Variants in GABRA3 observed in about 807,000 individuals in gnomAD.
GABRA3 encodes the protein gamma-aminobutyric acid receptor subunit alpha-3.
Under a neutral mutation model 30.1 loss-of-function variants are expected in GABRA3, and 10 were observed. That is an observed-to-expected ratio of 0.33 (90% CI 0.20 to 0.56). GABRA3 has a LOEUF of 0.56. GABRA3 is among the 20% of genes least tolerant of loss of function. GABRA3 has a pLI of 0.89. For synonymous variants in GABRA3, 151 were observed against 146.8 expected, an observed-to-expected ratio of 1.03 and a Z score of -0.21; for missense variants, 233 against 392.0, an observed-to-expected ratio of 0.59 and a Z score of 3.42.
At chrX:152,272,977 A>G (rs988548453) in intron 4 of GABRA3, among the ~76,000 whole-genome samples, 4 of 111,764 alleles carry the variant, frequency 3.6e-5, no homozygotes, top group Non-Finnish European at 7.5e-5. Context: ...TTGCTTTATA[A>G]GTTACCCAAT....
chrX:152,330,066 T>G lies in GABRA3; in HGVS notation c.262+15515A>C, dbSNP rs763675730. Among the ~76,000 whole-genome samples the G allele has an allele frequency of 7.7e-3, 859 of 111,527 alleles. 17 individuals carry two copies. The highest frequency in any genetic ancestry group is 0.027 in the African/African-American group (814 of 30,534). On this transcript the variant is annotated intron_variant, in intron 3 of 9. Coordinates refer to ENST00000370314, the MANE Select transcript of GABRA3 (RefSeq NM_000808.4). ...TATGAACATACACTTCTCAAAAGAA[T>G]ACATTAATACAACCAACAGACACAT...
intron 5 of GABRA3, among the ~76,000 whole-genome samples, chrX:152,254,904 A>C (rs957798276): frequency 8.9e-6 from 1 of 112,158 alleles, no homozygotes; most frequent in Non-Finnish European, 1.9e-5. Flanking sequence ...AAATTCATAA[A>C]AAAGCAAACC....
intron 4 of GABRA3, among the ~76,000 whole-genome samples, chrX:152,276,129 A>T (rs967476174): frequency 8.1e-5 from 9 of 111,133 alleles, no homozygotes; most frequent in Non-Finnish European, 1.3e-4. Flanking sequence ...ACACACACAC[A>T]GCCCACAGGA....
chrX:152,216,972 A>T (rs1028083335), intron 6 of GABRA3, among the ~76,000 whole-genome samples: 4 of 111,138 alleles, frequency 3.6e-5, no homozygotes, highest in Non-Finnish European at 7.6e-5. Context: ...AATAATTTTT[A>T]AAAAATTTAG....
intron 1 of GABRA3, among the ~76,000 whole-genome samples, chrX:152,396,538 G>A (rs375822807): frequency 2.1e-4 from 24 of 112,036 alleles, no homozygotes; most frequent in African/African-American, 7.8e-4. Context: ...TTATCAGGAA[G>A]TCATGATGTA....
intron 3 of GABRA3, among the ~76,000 whole-genome samples, chrX:152,315,435 C>G (rs1939859443): frequency 9.0e-6 from 1 of 111,251 alleles, no homozygotes; most frequent in Non-Finnish European, 1.9e-5. Context: ...GGGAAAATAC[C>G]ACAGGGAGAA....
chrX:152,423,423 T>C (rs1930427621), intron 1 of GABRA3, among the ~76,000 whole-genome samples: 1 of 112,180 alleles, frequency 8.9e-6, no homozygotes, highest in African/African-American at 3.2e-5. Flanking sequence ...AGGAATTTAG[T>C]GTAGGATGAA....
At chrX:152,259,159 C>G (rs948041204) in intron 4 of GABRA3, among the ~76,000 whole-genome samples, 7 of 111,606 alleles carry the variant, frequency 6.3e-5, no homozygotes, top group Non-Finnish European at 1.3e-4. Flanking sequence ...TGATGCCTGC[C>G]GATGGAGGGA....
rs773112118 is a variant in GABRA3 at position 152,328,267 on chromosome X, G to A, written c.262+17314C>T. ...GGATTTACAGCCAAATTCTAGCAGA[G>A]GTACAATGAGGAGCTGGTACCATTC... On this transcript the variant is annotated intron_variant, in intron 3 of 9. Coordinates refer to ENST00000370314, the MANE Select transcript of GABRA3 (RefSeq NM_000808.4). 9.9e-5 allele frequency among the ~76,000 whole-genome samples: 11 copies of A among 111,579 alleles called. No individual in the cohort carries two copies. The Admixed American group carries it at 1.0e-3, about 11-fold the overall frequency.
chrX:152,368,663 G>C (rs1407650644), intron 1 of GABRA3, among the ~76,000 whole-genome samples: 2 of 107,054 alleles, frequency 1.9e-5, no homozygotes, highest in African/African-American at 6.8e-5. Context: ...CCAGTAGTGA[G>C]ATTGCTGAAT....
At chrX:152,305,213 C>T (rs1401665317) in intron 3 of GABRA3, among the ~76,000 whole-genome samples, 1 of 110,335 alleles carries the variant, frequency 9.1e-6, no homozygotes, top group Non-Finnish European at 1.9e-5. Flanking sequence ...AGGAGCTAAA[C>T]GATGGGTAGA....
At chrX:152,419,543 C>G (rs976523873) in intron 1 of GABRA3, among the ~76,000 whole-genome samples, 3 of 110,750 alleles carry the variant, frequency 2.7e-5, no homozygotes, top group Non-Finnish European at 5.7e-5. Flanking sequence ...GAAAACATAA[C>G]TTAAAACTGA....
intron 1 of GABRA3, among the ~76,000 whole-genome samples, chrX:152,436,491 C>G (rs1415913564): frequency 4.5e-5 from 5 of 111,370 alleles, no homozygotes; most frequent in Non-Finnish European, 9.4e-5. Context: ...TTGGGAACCA[C>G]TGAATTATAA....
At chrX:152,238,780 T>C (rs1295120951) in intron 5 of GABRA3, among the ~76,000 whole-genome samples, 2 of 108,262 alleles carry the variant, frequency 1.8e-5, no homozygotes, top group Non-Finnish European at 3.9e-5. Context: ...TTTATTTGCA[T>C]AGAGGTGTTT....
At chrX:152,338,726 T>C (rs1940270201) in intron 3 of GABRA3, among the ~76,000 whole-genome samples, 1 of 112,190 alleles carries the variant, frequency 8.9e-6, no homozygotes, top group African/African-American at 3.2e-5. Context: ...GAGATAGGGG[T>C]TGAGTTTCAT....
intron 3 of GABRA3, among the ~76,000 whole-genome samples, chrX:152,326,670 C>T (rs1172111390): frequency 9.0e-6 from 1 of 111,264 alleles, no homozygotes; most frequent in Non-Finnish European, 1.9e-5. Flanking sequence ...ATTTTGTCAC[C>T]ACCAGGCCTG....
chrX:152,270,936 G>A (rs1938922572), intron 4 of GABRA3, among the ~76,000 whole-genome samples: 1 of 107,856 alleles, frequency 9.3e-6, no homozygotes, highest in Non-Finnish European at 1.9e-5. Flanking sequence ...AGGAACATGT[G>A]GGAATGTTTG....
intron 3 of GABRA3, among the ~76,000 whole-genome samples, chrX:152,300,645 C>T (rs1939614569): frequency 9.0e-6 from 1 of 111,440 alleles, no homozygotes; most frequent in Non-Finnish European, 1.9e-5. Context: ...AAAACACGTT[C>T]GAAATGAATG....
chrX:152,419,034 C>T (rs1020593845), intron 1 of GABRA3, among the ~76,000 whole-genome samples: 2 of 110,705 alleles, frequency 1.8e-5, no homozygotes, highest in Non-Finnish European at 3.8e-5. Flanking sequence ...AGCAAACTAC[C>T]GCAAGGACAA....
Sources: allele counts gnomAD v4.1 joint callset (sites outside exome capture counted in the v4.1 genomes callset), GRCh38; gene constraint gnomAD v4.1.1; transcripts MANE v1.5; gene names NCBI Gene and HGNC (gene_info 2026-07-23, HGNC 2026-07-21).